The following CNTN5 variants were observed in gnomAD, a reference collection of about 807,000 sequenced individuals.
CNTN5 encodes the protein contactin 5.
Under a neutral mutation model 129.1 loss-of-function variants are expected in CNTN5, and 77 were observed. The observed-to-expected ratio is 0.60, with a 90% CI of 0.50 to 0.72. CNTN5 has a LOEUF of 0.72. CNTN5 is among the 30% of genes least tolerant of loss of function. The pLI is 0.00. For synonymous variants in CNTN5, 509 were observed against 465.6 expected, an observed-to-expected ratio of 1.09 and a Z score of -1.20; for missense variants, 1,478 against 1,328.8, an observed-to-expected ratio of 1.11 and a Z score of -1.75.
chr11:99,406,334 A>G (rs1444746965), intron 2 of CNTN5, among the ~76,000 whole-genome samples: 2 of 152,112 alleles, frequency 1.3e-5, no homozygotes, highest in Non-Finnish European at 2.9e-5. Context: ...GATAAGAGCC[A>G]GAAGAATTCT....
chr11:99,610,386 G>T (rs1292714444), intron 3 of CNTN5, among the ~76,000 whole-genome samples: 1 of 152,050 alleles, frequency 6.6e-6, no homozygotes, highest in Non-Finnish European at 1.5e-5. Flanking sequence ...CAATATTTAG[G>T]ACCAGGACTA....
intron 10 of CNTN5, among the ~76,000 whole-genome samples, chr11:100,066,018 GA>G (rs1321449613): frequency 2.0e-5 from 3 of 151,986 alleles, no homozygotes; most frequent in Admixed American, 2.0e-4. Context: ...GTTTTATGGA[GA>G]AAAAATTCTT....
chr11:99,228,845 T>C (rs943262681), intron 1 of CNTN5, among the ~76,000 whole-genome samples: 4 of 152,012 alleles, frequency 2.6e-5, no homozygotes. Flanking sequence ...GGCAAAAATA[T>C]TTCAGACTTT....
intron 3 of CNTN5, among the ~76,000 whole-genome samples, chr11:99,610,236 G>C (rs1488066756): frequency 6.6e-6 from 1 of 152,120 alleles, no homozygotes; most frequent in Non-Finnish European, 1.5e-5. Flanking sequence ...TATTCAGACT[G>C]TAGGGGTTCT....
At chr11:100,350,978 G>A in intron 24 of CNTN5, 108 bp downstream of exon 24, 1 of 778,208 alleles carries the variant, frequency 1.3e-6, no homozygotes, top group Non-Finnish European at 2.0e-6. Context: ...AGATTTTGAG[G>A]GATTTCTCCT....
At chr11:99,649,211 T>A in intron 3 of CNTN5, among the ~76,000 whole-genome samples, 1 of 151,706 alleles carries the variant, frequency 6.6e-6, no homozygotes, top group Non-Finnish European at 1.5e-5. Context: ...AAAATAGTCT[T>A]GCTAATTACA....
chr11:99,555,669 G>A (rs1036244763), intron 2 of CNTN5, among the ~76,000 whole-genome samples: 2 of 151,820 alleles, frequency 1.3e-5, no homozygotes, highest in Non-Finnish European at 2.9e-5. Flanking sequence ...ATAATTAAAT[G>A]AGAAAAATTC....
At chr11:99,690,558 A>G (rs1953999512) in intron 3 of CNTN5, among the ~76,000 whole-genome samples, 1 of 151,694 alleles carries the variant, frequency 6.6e-6, no homozygotes. Context: ...AAATTGCTTT[A>G]GTCAGTTCGG....
At chr11:99,676,822 A>G (rs1396181937) in intron 3 of CNTN5, among the ~76,000 whole-genome samples, 2 of 152,206 alleles carry the variant, frequency 1.3e-5, no homozygotes, top group African/African-American at 2.4e-5. Context: ...AAAATTTATT[A>G]CTGAAATAAA....
At chr11:99,941,719 T>C (rs147244697) in intron 7 of CNTN5, among the ~76,000 whole-genome samples, 1 of 152,184 alleles carries the variant, frequency 6.6e-6, no homozygotes, top group African/African-American at 2.4e-5. Context: ...TAATGAGCCA[T>C]GCAGGTAACT....
At chr11:99,876,895 A>G (rs1948646415) in intron 6 of CNTN5, among the ~76,000 whole-genome samples, 1 of 152,156 alleles carries the variant, frequency 6.6e-6, no homozygotes, top group African/African-American at 2.4e-5. Context: ...TGCATCACCA[A>G]TTGTGTAATA....
At chr11:100,353,898 C>A (rs1952470722) in intron 24 of CNTN5, among the ~76,000 whole-genome samples, 1 of 151,474 alleles carries the variant, frequency 6.6e-6, no homozygotes, top group Admixed American at 6.6e-5. Flanking sequence ...ATCTTTGCAA[C>A]TAAAACTACC....
chr11:99,245,244 A>C (rs1156885650), intron 1 of CNTN5, among the ~76,000 whole-genome samples: 1 of 152,178 alleles, frequency 6.6e-6, no homozygotes, highest in African/African-American at 2.4e-5. Context: ...ATACCTGTAA[A>C]CTGGAGATAT....
intron 1 of CNTN5, among the ~76,000 whole-genome samples, chr11:99,201,351 T>TTCCTTCCTTCCTTCCTTCCTCCC (rs59358470): frequency 1.1e-5 from 1 of 88,154 alleles, no homozygotes. Context: ...CTTCCTTTCC[T>TTCCTTCCTTCCTTCCTTCCTCCC]TTCCTTCCTT....
chr11:99,472,419 T>C (rs1945211080), intron 2 of CNTN5, among the ~76,000 whole-genome samples: 2 of 152,212 alleles, frequency 1.3e-5, no homozygotes, highest in East Asian at 3.8e-4. Flanking sequence ...CTGTTTCACA[T>C]CATTGTAAAC....
intron 1 of CNTN5, among the ~76,000 whole-genome samples, chr11:99,087,320 C>T (rs147013347): frequency 1.5e-4 from 23 of 152,288 alleles, no homozygotes; most frequent in African/African-American, 5.3e-4. Flanking sequence ...AAAGTCCCTG[C>T]TTTCCCTACT....
intron 3 of CNTN5, among the ~76,000 whole-genome samples, chr11:99,810,648 T>C (rs1452662972): frequency 6.6e-6 from 1 of 152,184 alleles, no homozygotes; most frequent in Non-Finnish European, 1.5e-5. Context: ...TTGTAAATTA[T>C]TAACCATTTC....
intron 2 of CNTN5, among the ~76,000 whole-genome samples, chr11:99,376,690 G>T (rs1940203654): frequency 6.6e-6 from 1 of 152,068 alleles, no homozygotes; most frequent in South Asian, 2.1e-4. Flanking sequence ...TACCCCAGTC[G>T]CTTACCCCTA....
At chr11:99,780,760 TTTTG>T (rs1457203977) in intron 3 of CNTN5, among the ~76,000 whole-genome samples, 3 of 152,084 alleles carry the variant, frequency 2.0e-5, no homozygotes, top group African/African-American at 4.8e-5. Context: ...TTGTGTGGTT[TTTTG>T]TTTGTTTGAT....
Sources: gnomAD v4.1 joint callset for allele counts (sites outside exome capture counted in the v4.1 genomes callset) on GRCh38, gnomAD v4.1.1 for gene constraint, MANE v1.5 for transcripts, NCBI Gene and HGNC (gene_info 2026-07-23, HGNC 2026-07-21) for gene names.